Variants in CCM2 observed in about 807,000 individuals in gnomAD.
CCM2 encodes cerebral cavernous malformations 2 protein.
CCM2 carries 25 observed loss-of-function variants against 44.9 expected under a neutral mutation model. The ratio of observed to expected loss-of-function variants is 0.56; its 90% CI spans 0.41 to 0.78. The LOEUF is 0.78. Ranked by LOEUF, CCM2 falls within the 30% of genes least tolerant of loss-of-function variation. The probability of loss-of-function intolerance (pLI) is 0.00; values close to 1 mark genes in which losing one functional copy is unlikely to be tolerated. For synonymous variants in CCM2, 219 were observed against 241.1 expected (o/e 0.91, Z 0.85); for missense variants, 481 against 580.6 (o/e 0.83, Z 1.76).
intron 1 of CCM2, among the ~76,000 whole-genome samples, chr7:45,023,785 C>T (rs1583867912): frequency 3.6e-5 from 2 of 55,944 alleles, no homozygotes; most frequent in Non-Finnish European, 7.3e-5. Flanking sequence ...AGCTCTGTAT[C>T]AGTTTTTTTT....
intron 1 of CCM2, among the ~76,000 whole-genome samples, chr7:45,034,086 T>C (rs1034095148): frequency 6.6e-6 from 1 of 152,186 alleles, no homozygotes; most frequent in Non-Finnish European, 1.5e-5. Flanking sequence ...TTAAGGAGAA[T>C]GAAGCCCGAA....
chr7:45,022,803 C>T (rs916856380), intron 1 of CCM2, among the ~76,000 whole-genome samples: 5 of 152,080 alleles, frequency 3.3e-5, no homozygotes, highest in South Asian at 2.1e-4. Context: ...TGCAGTGGTG[C>T]GATCTCGGCT....
rs536436660 is a variant in CCM2 at position 45,015,757 on chromosome 7, A to G, written c.30+15394A>G. On this transcript the variant is annotated intron_variant, in intron 1 of 9. Coordinates refer to ENST00000258781, the MANE Select transcript of CCM2 (RefSeq NM_031443.4). ...CCCTGATGAAGGGGAAGGGATAGTG[A>G]GAAGACACAGGATAAAAAGCCAGTT... 1.1e-3 allele frequency among the ~76,000 whole-genome samples: 175 copies of G among 152,250 alleles called. 1 individual carries two copies. Among genetic ancestry groups the G allele is most frequent in the African/African-American group, 3.6e-3 (149 of 41,556 alleles).
chr7:45,012,656 A>T (rs1192770920), intron 1 of CCM2, among the ~76,000 whole-genome samples: 1 of 151,790 alleles, frequency 6.6e-6, no homozygotes, highest in African/African-American at 2.4e-5. Context: ...CCTGGGCTCA[A>T]GTGATCTTCT....
chr7:45,000,307 C>G lies in CCM2; in HGVS notation c.-27C>G. On this transcript the variant is annotated 5_prime_UTR_variant, in exon 1 of 10. Transcript: ENST00000258781. ...GGCGGGGCTCCCGGGGCGGGCCGGG[C>G]GGGCCGCGGGAGCCGCACGCGGCGA... The G allele has an allele frequency of 8.1e-7, 1 of 1,231,032 alleles. No homozygotes were observed. The highest frequency in any genetic ancestry group is 1.0e-6 in the Non-Finnish European group (1 of 981,148). The allele number at this position is 1,231,032 out of a possible 1,614,324, so 76.3% of individuals were successfully genotyped here.
At chr7:45,074,231 A>G (rs938389428) in intron 8 of CCM2, 39 bp from the exon 9 acceptor site, 1 of 1,612,800 alleles carries the variant, frequency 6.2e-7, no homozygotes, top group Non-Finnish European at 8.5e-7. Context: ...ACTCTTGCCT[A>G]CTGTGCCCAG....
rs1796107642 is a variant in CCM2 at position 45,012,548 on chromosome 7, T to C, written c.30+12185T>C. Among the ~76,000 whole-genome samples the C allele has an allele frequency of 2.0e-5, 3 of 152,140 alleles. No individual in the cohort carries two copies. In the South Asian group the frequency reaches 6.2e-4, roughly 31 times the overall value. On this transcript the variant is annotated intron_variant, in intron 1 of 9. Transcript: ENST00000258781. ...ATTAATATAGCTACACCACATTCTT[T>C]TTTTGCCTTAGGGACTTTAGCAACT...
At chr7:45,023,808 T>TTTTTTTTTTTTTTTTTTTTTTTTTTTTTG (rs1796580610) in intron 1 of CCM2, among the ~76,000 whole-genome samples, 1 of 128,150 alleles carries the variant, frequency 7.8e-6, no homozygotes, top group African/African-American at 3.1e-5. Context: ...TTTTTTTTTT[T>TTTTTTTTTTTTTTTTTTTTTTTTTTTTTG]TTTTTTTTTT....
chr7:45,032,440 C>G (rs2128724951), intron 1 of CCM2, among the ~76,000 whole-genome samples: 1 of 152,348 alleles, frequency 6.6e-6, no homozygotes, highest in South Asian at 2.1e-4. Flanking sequence ...GTTCATTCCT[C>G]TCCTTGTCTC....
intron 2 of CCM2, among the ~76,000 whole-genome samples, chr7:45,044,063 G>C (rs1160577360): frequency 6.6e-6 from 1 of 152,170 alleles, no homozygotes; most frequent in Admixed American, 6.5e-5. Flanking sequence ...TCCAGTGCTT[G>C]AGGTCTGTGT....
intron 5 of CCM2, among the ~76,000 whole-genome samples, 197 bp from the exon 6 acceptor site, chr7:45,069,625 CTAGA>C (rs1283201443): frequency 1.3e-5 from 2 of 152,234 alleles, no homozygotes; most frequent in Non-Finnish European, 2.9e-5. Context: ...CATGGCAGTC[CTAGA>C]TAGAGTCCTG....
chr7:45,002,958 C>G (rs980819225), intron 1 of CCM2, among the ~76,000 whole-genome samples: 3 of 152,198 alleles, frequency 2.0e-5, no homozygotes, highest in Admixed American at 6.5e-5. Flanking sequence ...TGGGGCTGCT[C>G]TTCTGTCCTG....
Position 45,076,392 on chromosome 7 carries a change from A to C in CCM2, c.*335A>C. The C allele has an allele frequency of 2.1e-6, 1 of 482,056 alleles. No homozygotes were observed. Among genetic ancestry groups the C allele is most frequent in the Non-Finnish European group, 3.9e-6 (1 of 256,354 alleles). The allele number at this position is 482,056 out of a possible 1,614,324, so 29.9% of individuals were successfully genotyped here. ...TGGACGGCTGTCAGTTTTGCACATGATGTTCCTATTGTAACTCTCAGAGAC... is the reference window on the plus strand; with the variant it reads ...TGGACGGCTGTCAGTTTTGCACATGCTGTTCCTATTGTAACTCTCAGAGAC... On this transcript the variant is annotated 3_prime_UTR_variant, in exon 10 of 10. Coordinates refer to ENST00000258781, the MANE Select transcript of CCM2 (RefSeq NM_031443.4).
At chr7:45,020,534 A>G (rs1302056197) in intron 1 of CCM2, among the ~76,000 whole-genome samples, 2 of 152,186 alleles carry the variant, frequency 1.3e-5, no homozygotes, top group Non-Finnish European at 2.9e-5. Context: ...TGAAGCAATT[A>G]ATTTTCTAAC....
chr7:45,043,666 T>G (rs1190843714), intron 2 of CCM2: 1 of 381,028 alleles, frequency 2.6e-6, no homozygotes, highest in African/African-American at 2.2e-5. Context: ...TTAATTAACA[T>G]TTCTTCAAAT....
chr7:45,075,682 G>A, intron 9 of CCM2, 95 bp from the exon 10 acceptor site: 2 of 1,498,066 alleles, frequency 1.3e-6, no homozygotes, highest in Non-Finnish European at 1.9e-6. Context: ...ACCAGGGGCA[G>A]CTGTGGCCCT....
At chr7:45,074,543 A>G (rs1259576945) in intron 9 of CCM2, 135 bp downstream of exon 9, 17 of 756,676 alleles carry the variant, frequency 2.2e-5, no homozygotes, top group Non-Finnish European at 3.3e-5. Context: ...TGAACCAGAG[A>G]TGGCATGAGA....
chr7:45,036,893 T>A (rs111264994), intron 1 of CCM2, among the ~76,000 whole-genome samples: 3 of 152,148 alleles, frequency 2.0e-5, no homozygotes, highest in Non-Finnish European at 4.4e-5. Flanking sequence ...ATCTGTGCAC[T>A]GGGTCACCCT....
At chr7:45,039,231 G>A (rs896366605) in intron 2 of CCM2, among the ~76,000 whole-genome samples, 1 of 152,244 alleles carries the variant, frequency 6.6e-6, no homozygotes, top group Non-Finnish European at 1.5e-5. Flanking sequence ...TGGTACAGGG[G>A]CAGGTGGGGA....
Sources: gnomAD v4.1 joint callset for allele counts (sites outside exome capture counted in the v4.1 genomes callset) on GRCh38, gnomAD v4.1.1 for gene constraint, MANE v1.5 for transcripts, NCBI Gene and HGNC (gene_info 2026-07-23, HGNC 2026-07-21) for gene names.